Variants in LRRC51 observed in about 807,000 individuals in gnomAD.
LRRC51 encodes the protein leucine-rich repeat-containing protein 51.
LRRC51 carries 8 observed loss-of-function variants against 17.8 expected under a neutral mutation model. That is an observed-to-expected ratio of 0.45 (90% CI 0.26 to 0.81). The LOEUF (loss-of-function observed/expected upper bound fraction) is 0.81. Among genes scored for constraint, LRRC51 ranks in the 30% least tolerant of loss-of-function variants. LRRC51 has a pLI of 0.17. For synonymous variants in LRRC51, 92 were observed against 96.0 expected, an observed-to-expected ratio of 0.96 and a Z score of 0.24; for missense variants, 233 against 239.3, an observed-to-expected ratio of 0.97 and a Z score of 0.17.
intron 1 of LRRC51, among the ~76,000 whole-genome samples, chr11:72,087,767 T>C (rs1298379429): frequency 6.6e-6 from 1 of 152,230 alleles, no homozygotes; most frequent in Non-Finnish European, 1.5e-5. Context: ...AGTTTTAATA[T>C]TGATTACATA....
intron 1 of LRRC51, among the ~76,000 whole-genome samples, chr11:72,081,376 A>G (rs1721268678): frequency 6.6e-6 from 1 of 152,204 alleles, no homozygotes; most frequent in Non-Finnish European, 1.5e-5. Context: ...AGCCGTGATC[A>G]CGCAACTACA....
intron 1 of LRRC51, among the ~76,000 whole-genome samples, chr11:72,081,142 G>A (rs1944157481): frequency 6.6e-6 from 1 of 152,316 alleles, no homozygotes; most frequent in South Asian, 2.1e-4. Context: ...CACCCCCAGG[G>A]CCGGGAGCGG....
chr11:72,095,566 A>G lies in LRRC51; in HGVS notation c.*46A>G, dbSNP rs751648886. 7 of 1,598,232 alleles carry G rather than the reference A, an allele frequency of 4.4e-6. No homozygotes were observed. Among genetic ancestry groups the G allele is most frequent in the Admixed American group, 3.5e-5 (2 of 57,332 alleles). On this transcript the variant is annotated 3_prime_UTR_variant, in exon 6 of 6. Coordinates refer to ENST00000289488, the MANE Select transcript of LRRC51 (RefSeq NM_145309.6). ...TCCTAAAGGCCTAAGCATAGACAGC[A>G]TGGTTTGACAATAAATAATTTGAGC...
chr11:72,082,904 T>C (rs1343669848), intron 1 of LRRC51, among the ~76,000 whole-genome samples: 1 of 152,006 alleles, frequency 6.6e-6, no homozygotes, highest in African/African-American at 2.4e-5. Context: ...TCGCTCTTGC[T>C]GCCCAGGCTG....
At chr11:72,082,841 G>A (rs548961) in intron 1 of LRRC51, among the ~76,000 whole-genome samples, 134,744 of 152,052 alleles carry the variant, frequency 0.89, 59,986 homozygotes, top group Non-Finnish European at 0.95. Flanking sequence ...AGCTGATACT[G>A]TTCACTCTCT....
At chr11:72,095,178 A>G in intron 5 of LRRC51, 82 bp downstream of exon 5, 1 of 1,579,780 alleles carries the variant, frequency 6.3e-7, no homozygotes, top group Non-Finnish European at 8.6e-7. Context: ...ATCTACGACC[A>G]TTCTTCTGCC....
chr11:72,081,334 A>T (rs927455542), intron 1 of LRRC51, among the ~76,000 whole-genome samples: 3 of 152,174 alleles, frequency 2.0e-5, no homozygotes, highest in Non-Finnish European at 4.4e-5. Context: ...AGGTAGAAGG[A>T]TCGCTTGAGC....
In LRRC51 at chr11:72,096,751, A is replaced by G. The variant is rs763227666; in HGVS notation, c.*1231A>G. 4.0e-5 allele frequency: 60 copies of G among 1,515,988 alleles called. No homozygotes were observed. Among genetic ancestry groups the G allele is most frequent in the Admixed American group, 8.5e-5 (4 of 47,334 alleles). 93.9% of individuals were successfully genotyped at this position (1,515,988 alleles called of 1,614,324 possible). Reference sequence around the variant, plus strand: ...ACCAGGGTCTGTAGAGATGCCTCACAGGCCTCCATGACAGGCCAAGAAGAT... The same window carrying G: ...ACCAGGGTCTGTAGAGATGCCTCACGGGCCTCCATGACAGGCCAAGAAGAT... On this transcript the variant is annotated 3_prime_UTR_variant, in exon 6 of 6. Transcript: ENST00000289488.
At chr11:72,088,507 G>A (rs1944671363) in intron 2 of LRRC51, 127 bp downstream of exon 2, 2 of 669,490 alleles carry the variant, frequency 3.0e-6, no homozygotes, top group Non-Finnish European at 5.5e-6. Flanking sequence ...AAGCCAAGCG[G>A]AGAAGGTGGC....
intron 1 of LRRC51, chr11:72,086,136 A>G: frequency 2.2e-6 from 1 of 452,616 alleles, no homozygotes; most frequent in South Asian, 3.0e-5. Context: ...TCAGCCTAAC[A>G]CAGGACACAT....
Position 72,095,630 on chromosome 11 carries a change from T to A in LRRC51, c.*110T>A. The A allele has an allele frequency of 3.2e-6, 5 of 1,550,362 alleles. No individual in the cohort carries two copies. In the South Asian group the frequency reaches 4.8e-5, roughly 15 times the overall value. On this transcript the variant is annotated 3_prime_UTR_variant, in exon 6 of 6. Coordinates refer to ENST00000289488, the MANE Select transcript of LRRC51 (RefSeq NM_145309.6). ...AGAAGTCACTTACACCTTGTAGAGA[T>A]GTTCTCTAACTCAGGCAACTGCAAG...
At chr11:72,089,949 A>G (rs1206789363) in intron 3 of LRRC51, among the ~76,000 whole-genome samples, 1 of 152,226 alleles carries the variant, frequency 6.6e-6, no homozygotes, top group Non-Finnish European at 1.5e-5. Context: ...GTCTTTCATT[A>G]AAGCATCAGT....
chr11:72,096,671 G>A lies in LRRC51; in HGVS notation c.*1151G>A, dbSNP rs624363. 13,755 of 1,545,450 alleles carry A rather than the reference G, an allele frequency of 8.9e-3. 1,372 individuals are homozygous for A. The East Asian group carries it at 0.23, about 26-fold the overall frequency. On this transcript the variant is annotated 3_prime_UTR_variant, in exon 6 of 6. Transcript: ENST00000289488. ...TCTCTGGGCCCCTTTGTACTTTTCA[G>A]CTTAGAGATTTGGGGGTTAAAGTAG... is the stretch of plus-strand genomic sequence containing the variant.
chr11:72,095,040 T>TCGGCTC lies in LRRC51; in HGVS notation c.384_389dup (p.Leu129_Arg130dup), dbSNP rs1178903957. 1.2e-5 allele frequency: 19 copies of TCGGCTC among 1,613,724 alleles called. No individual in the cohort carries two copies. In the Admixed American group the frequency reaches 1.7e-4, roughly 14 times the overall value. ...AGGTGAATAAGCTGGCTGTCCTTCC[T>TCGGCTC]CGGCTCCGTAGCCTGACACTCCATG... On this transcript the variant is annotated inframe_insertion, in exon 5 of 6. Transcript: ENST00000289488.
chr11:72,095,633 T>C lies in LRRC51; in HGVS notation c.*113T>C. ...AGTCACTTACACCTTGTAGAGATGT[T>C]CTCTAACTCAGGCAACTGCAAGTAG... On this transcript the variant is annotated 3_prime_UTR_variant, in exon 6 of 6. Transcript: ENST00000289488. The C allele has an allele frequency of 1.3e-6, 2 of 1,547,790 alleles. No homozygotes were observed.
Position 72,095,042 on chromosome 11 carries a change from G to GGCTC in LRRC51, c.384_387dup (p.Arg130AlafsTer3), listed in dbSNP as rs764169439. 1.9e-6 allele frequency: 3 copies of GGCTC among 1,613,860 alleles called. No individual in the cohort carries two copies. In the East Asian group the frequency reaches 6.7e-5, roughly 36 times the overall value. On this transcript the variant is annotated frameshift_variant, in exon 5 of 6. Transcript: ENST00000289488. LOFTEE classifies it high-confidence loss of function. ...GTGAATAAGCTGGCTGTCCTTCCTC[G>GGCTC]GCTCCGTAGCCTGACACTCCATGGG...
chr11:72,093,376 A>T, intron 3 of LRRC51, 120 bp from the exon 4 acceptor site: 2 of 939,466 alleles, frequency 2.1e-6, no homozygotes, highest in Non-Finnish European at 3.4e-6. Context: ...GCACAGGGCT[A>T]TGGCCCTTCC....
intron 1 of LRRC51, among the ~76,000 whole-genome samples, chr11:72,081,522 G>A (rs12270241): frequency 6.6e-6 from 1 of 152,174 alleles, no homozygotes; most frequent in East Asian, 1.9e-4. Flanking sequence ...TCAAGTTCCA[G>A]GCATAACCTG....
intron 3 of LRRC51, among the ~76,000 whole-genome samples, chr11:72,089,935 T>C (rs1944760650): frequency 6.6e-6 from 1 of 152,248 alleles, no homozygotes; most frequent in Non-Finnish European, 1.5e-5. Flanking sequence ...GCTTTTGTTA[T>C]CTGGTCTTTC....
Sources: allele counts gnomAD v4.1 joint callset (sites outside exome capture counted in the v4.1 genomes callset), GRCh38; gene constraint gnomAD v4.1.1; transcripts MANE v1.5; gene names NCBI Gene and HGNC (gene_info 2026-07-23, HGNC 2026-07-21).